MROH9: variants seen among roughly 807,000 people sequenced by gnomAD.
MROH9 encodes maestro heat-like repeat-containing protein family member 9.
MROH9 carries 92 observed loss-of-function variants against 98.2 expected under a neutral mutation model. That is an observed-to-expected ratio of 0.94 (90% CI 0.79 to 1.11). The LOEUF is 1.11. Ranked by LOEUF, MROH9 falls within the 50% of genes most tolerant of loss-of-function variation. The probability of loss-of-function intolerance (pLI) is 0.00; values close to 1 mark genes in which losing one functional copy is unlikely to be tolerated. For missense variants in MROH9, 1,057 were observed against 1,014.8 expected (o/e 1.04, Z -0.57); for synonymous variants, 397 against 368.9 (o/e 1.08, Z -0.87).
chr1:170,952,416 A>C (rs1485469222), intron 3 of MROH9, among the ~76,000 whole-genome samples: 2 of 152,248 alleles, frequency 1.3e-5, no homozygotes, highest in East Asian at 3.9e-4. Context: ...AATACTATGC[A>C]GCCATAAAAA....
At chr1:171,005,073 T>A (rs1651910997) in intron 15 of MROH9, among the ~76,000 whole-genome samples, 2 of 152,090 alleles carry the variant, frequency 1.3e-5, no homozygotes, top group East Asian at 3.9e-4. Flanking sequence ...TATAGACATT[T>A]TTATTTTTTT....
chr1:171,045,252 G>A (rs1016882412), intron 20 of MROH9, among the ~76,000 whole-genome samples: 1 of 151,344 alleles, frequency 6.6e-6, no homozygotes, highest in Non-Finnish European at 1.5e-5. Context: ...CGCCCGCCTC[G>A]GCCTCCCAAA....
At chr1:171,008,269 A>G (rs1297629130) in intron 15 of MROH9, among the ~76,000 whole-genome samples, 1 of 152,162 alleles carries the variant, frequency 6.6e-6, no homozygotes, top group East Asian at 1.9e-4. Flanking sequence ...TATTAATAAT[A>G]TATAATGGTC....
chr1:171,017,742 A>G (rs1479133809), intron 17 of MROH9, among the ~76,000 whole-genome samples: 1 of 152,162 alleles, frequency 6.6e-6, no homozygotes. Flanking sequence ...GCTTGATCCC[A>G]AGAGGTATCC....
intron 8 of MROH9, among the ~76,000 whole-genome samples, chr1:170,973,955 C>A (rs1650583482): frequency 6.6e-6 from 1 of 152,220 alleles, no homozygotes; most frequent in Non-Finnish European, 1.5e-5. Context: ...ATAAAAACAT[C>A]TTAAGTAGAG....
chr1:171,047,095 C>G (rs139337416), intron 20 of MROH9, among the ~76,000 whole-genome samples: 1 of 152,182 alleles, frequency 6.6e-6, no homozygotes, highest in African/African-American at 2.4e-5. Flanking sequence ...AGGATCCTTT[C>G]TTTCTTTATC....
chr1:170,965,669 C>CTAGAT (rs1650207402), intron 7 of MROH9, among the ~76,000 whole-genome samples: 1 of 152,016 alleles, frequency 6.6e-6, no homozygotes, highest in South Asian at 2.1e-4. Flanking sequence ...GTGAAACATG[C>CTAGAT]TAGAGGTAGA....
intron 20 of MROH9, among the ~76,000 whole-genome samples, chr1:171,049,319 CCCCCAG>C (rs1362096993): frequency 1.3e-5 from 2 of 152,164 alleles, no homozygotes; most frequent in African/African-American, 4.8e-5. Context: ...ACTACCCCCA[CCCCCAG>C]CCCCAGTGGC....
chr1:170,992,399 A>C, intron 12 of MROH9, 70 bp downstream of exon 12: 1 of 1,489,298 alleles, frequency 6.7e-7, no homozygotes, highest in East Asian at 2.3e-5. Flanking sequence ...CTATCTGCCC[A>C]CAGACTCAAT....
At chr1:171,032,011 C>T (rs573489848) in intron 20 of MROH9, among the ~76,000 whole-genome samples, 10 of 152,232 alleles carry the variant, frequency 6.6e-5, no homozygotes, top group African/African-American at 1.9e-4. Flanking sequence ...TGTCTGCATG[C>T]CTTATTTCAG....
intron 7 of MROH9, among the ~76,000 whole-genome samples, chr1:170,970,610 G>A (rs1003497202): frequency 6.6e-6 from 1 of 152,120 alleles, no homozygotes; most frequent in African/African-American, 2.4e-5. Context: ...TTCTCCTACT[G>A]AGATCATCAC....
intron 15 of MROH9, chr1:170,998,551 A>G: frequency 7.1e-7 from 1 of 1,400,058 alleles, no homozygotes. Flanking sequence ...ACCAGTTTAT[A>G]TATTTCTGCA....
At chr1:170,937,683 G>A (rs569315909) in intron 1 of MROH9, among the ~76,000 whole-genome samples, 3 of 151,342 alleles carry the variant, frequency 2.0e-5, no homozygotes, top group Non-Finnish European at 2.9e-5. Flanking sequence ...CACTACGCCC[G>A]GCTAATTTTT....
At chr1:170,985,517 C>T (rs550197944) in intron 9 of MROH9, among the ~76,000 whole-genome samples, 32 of 152,246 alleles carry the variant, frequency 2.1e-4, no homozygotes, top group African/African-American at 7.0e-4. Context: ...CACATCTTCA[C>T]CTGTACATGA....
intron 20 of MROH9, among the ~76,000 whole-genome samples, chr1:171,061,921 G>T (rs894354147): frequency 2.6e-5 from 4 of 152,062 alleles, no homozygotes; most frequent in Non-Finnish European, 5.9e-5. Context: ...CATTCACTGA[G>T]CTGTCCAATA....
chr1:171,063,852 G>T (rs974962063), intron 21 of MROH9, among the ~76,000 whole-genome samples: 1 of 152,096 alleles, frequency 6.6e-6, no homozygotes, highest in Non-Finnish European at 1.5e-5. Context: ...GCACATAAAA[G>T]GTCCTTGGTA....
At chr1:170,977,819 C>T (rs1204085386) in intron 8 of MROH9, among the ~76,000 whole-genome samples, 1 of 152,128 alleles carries the variant, frequency 6.6e-6, no homozygotes, top group Non-Finnish European at 1.5e-5. Flanking sequence ...CTTCTGGAGG[C>T]TCCACACCAG....
intron 20 of MROH9, among the ~76,000 whole-genome samples, chr1:171,043,421 G>A: frequency 1.3e-5 from 2 of 152,002 alleles, no homozygotes; most frequent in Admixed American, 6.6e-5. Context: ...GATTCCTCCA[G>A]TTTTGTTTTT....
chr1:170,953,877 G>GAA (rs368885121), intron 3 of MROH9, among the ~76,000 whole-genome samples: 10 of 48,990 alleles, frequency 2.0e-4, no homozygotes, highest in Admixed American at 1.2e-3. Flanking sequence ...GAGAGAGAGA[G>GAA]AGAAAGAAAG....
Sources: gnomAD v4.1 joint callset for allele counts (sites outside exome capture counted in the v4.1 genomes callset) on GRCh38, gnomAD v4.1.1 for gene constraint, MANE v1.5 for transcripts, NCBI Gene and HGNC (gene_info 2026-07-23, HGNC 2026-07-21) for gene names.